LRMDA: variants seen among roughly 807,000 people sequenced by gnomAD.
LRMDA encodes leucine-rich melanocyte differentiation-associated protein.
In LRMDA, 18 loss-of-function variants were observed where a neutral mutation model predicts 29.8. The ratio of observed to expected loss-of-function variants is 0.60; its 90% CI spans 0.42 to 0.90. LRMDA has a LOEUF of 0.90. LRMDA is among the 40% of genes least tolerant of loss of function. The probability of loss-of-function intolerance (pLI) is 0.00; values close to 1 mark genes in which losing one functional copy is unlikely to be tolerated. For missense variants in LRMDA, 273 were observed against 273.9 expected (o/e 1.00, Z 0.02); for synonymous variants, 125 against 109.4 (o/e 1.14, Z -0.89).
Position 76,104,983 on chromosome 10 carries a change from G to A in LRMDA, c.516+46200G>A, listed in dbSNP as rs1191504845. ...CTAGCCATTCTCTCTGCCTGCAAGTGTCTTCTCTCAGATATCCACTTGGCT... is the reference window on the plus strand; with the variant it reads ...CTAGCCATTCTCTCTGCCTGCAAGTATCTTCTCTCAGATATCCACTTGGCT... On this transcript the variant is annotated intron_variant, in intron 5 of 6. Transcript: ENST00000611255. Among the ~76,000 whole-genome samples, 3 of 152,162 alleles carry A rather than the reference G, an allele frequency of 2.0e-5. No individual in the cohort carries two copies. The East Asian group carries it at 5.8e-4, about 29-fold the overall frequency.
At position 76,291,487 on chromosome 10, in the gene LRMDA, C is replaced by T. The variant is rs531939425; in HGVS notation, c.517-32914C>T. Among the ~76,000 whole-genome samples, 8 of 152,216 alleles carry T rather than the reference C, an allele frequency of 5.3e-5. No individual in the cohort carries two copies. In the East Asian group the frequency reaches 1.5e-3, roughly 29 times the overall value. ...GGCTGTCTGGAATGCTTTTCTTTCT[C>T]CTAGTTAGGCATTTAAATGCATTTC... is the stretch of plus-strand genomic sequence containing the variant. On this transcript the variant is annotated intron_variant, in intron 5 of 6. Coordinates refer to ENST00000611255, the MANE Select transcript of LRMDA (RefSeq NM_001305581.2).
intron 2 of LRMDA, among the ~76,000 whole-genome samples, chr10:75,602,584 CTATT>C (rs758738945): frequency 3.3e-5 from 5 of 152,126 alleles, no homozygotes; most frequent in Non-Finnish European, 7.4e-5. Flanking sequence ...TTGGAAAACT[CTATT>C]TATCTAGGTA....
intron 6 of LRMDA, among the ~76,000 whole-genome samples, chr10:76,480,219 T>C (rs1240333721): frequency 6.6e-6 from 1 of 151,932 alleles, no homozygotes; most frequent in Non-Finnish European, 1.5e-5. Flanking sequence ...TTCCCCCAGA[T>C]GTATTAGGCC....
Position 76,132,966 on chromosome 10 carries a change from C to CTTTTTTTTTT in LRMDA, c.516+74202_516+74211dup, listed in dbSNP as rs35997711. ...TACAGGCATCCACCACCACGCCCGG[C>CTTTTTTTTTT]TTTTTTTTTTTTTTTTTTTTTTTTT... On this transcript the variant is annotated intron_variant, in intron 5 of 6. Coordinates refer to ENST00000611255, the MANE Select transcript of LRMDA (RefSeq NM_001305581.2). Among the ~76,000 whole-genome samples, 146 of 57,380 alleles carry CTTTTTTTTTT rather than the reference C, an allele frequency of 2.5e-3. 2 individuals carry two copies. The highest frequency in any genetic ancestry group is 3.9e-3 in the Non-Finnish European group (125 of 31,952). 37.6% of individuals were successfully genotyped at this position (57,380 alleles called of 152,430 possible).
chr10:76,086,684 C>G (rs138184912), intron 5 of LRMDA, among the ~76,000 whole-genome samples: 1 of 151,918 alleles, frequency 6.6e-6, no homozygotes, highest in Admixed American at 6.6e-5. Flanking sequence ...TGGAGGGGCC[C>G]GAATGAAAAA....
At chr10:75,829,153 C>T (rs1379989284) in intron 2 of LRMDA, among the ~76,000 whole-genome samples, 1 of 152,204 alleles carries the variant, frequency 6.6e-6, no homozygotes, top group East Asian at 1.9e-4. Context: ...AGATGGTGTG[C>T]TGAGCCCTTC....
At chr10:75,891,998 G>A (rs145601165) in intron 2 of LRMDA, among the ~76,000 whole-genome samples, 218 of 152,266 alleles carry the variant, frequency 1.4e-3, no homozygotes, top group African/African-American at 4.9e-3. Context: ...TCAGTATGTA[G>A]GTGATATTTA....
At chr10:76,119,287 G>A (rs958126535) in intron 5 of LRMDA, among the ~76,000 whole-genome samples, 1 of 152,016 alleles carries the variant, frequency 6.6e-6, no homozygotes, top group African/African-American at 2.4e-5. Flanking sequence ...TGGAGCCAAG[G>A]CTCCTCACAC....
chr10:75,573,766 G>A (rs1013031484), intron 2 of LRMDA, among the ~76,000 whole-genome samples: 4 of 152,002 alleles, frequency 2.6e-5, no homozygotes, highest in Non-Finnish European at 5.9e-5. Context: ...GTTTCCTTGT[G>A]TGGTTTATAA....
At chr10:75,777,229 G>A (rs1182871179) in intron 2 of LRMDA, among the ~76,000 whole-genome samples, 4 of 152,220 alleles carry the variant, frequency 2.6e-5, no homozygotes, top group African/African-American at 7.2e-5. Context: ...CATTAAAGAT[G>A]TGAAGCTCAA....
intron 6 of LRMDA, among the ~76,000 whole-genome samples, chr10:76,544,597 A>G (rs764560356): frequency 2.0e-5 from 3 of 152,134 alleles, no homozygotes; most frequent in African/African-American, 4.8e-5. Context: ...GTAGAAAAAA[A>G]TGTACAGAGG....
At chr10:75,502,304 CA>C (rs1232198456) in intron 2 of LRMDA, among the ~76,000 whole-genome samples, 1 of 152,204 alleles carries the variant, frequency 6.6e-6, no homozygotes, top group African/African-American at 2.4e-5. Context: ...GTGGCTTCTG[CA>C]ACACTGACTG....
chr10:76,122,599 G>T (rs1054743352), intron 5 of LRMDA, among the ~76,000 whole-genome samples: 2 of 152,114 alleles, frequency 1.3e-5, no homozygotes, highest in African/African-American at 4.8e-5. Flanking sequence ...TATAATAAAT[G>T]CTATACAAAT....
At chr10:75,459,934 G>T (rs1291647621) in intron 2 of LRMDA, among the ~76,000 whole-genome samples, 8 of 152,144 alleles carry the variant, frequency 5.3e-5, no homozygotes, top group Admixed American at 3.3e-4. Context: ...CTCGTATTAG[G>T]CTCCACCTCC....
In LRMDA at chr10:76,506,690, T is replaced by C. The variant is rs142240647; in HGVS notation, c.602-50519T>C. 3.5e-3 allele frequency among the ~76,000 whole-genome samples: 530 copies of C among 152,124 alleles called. 5 individuals carry two copies. The highest frequency in any genetic ancestry group is 0.012 in the African/African-American group (485 of 41,524). On this transcript the variant is annotated intron_variant, in intron 6 of 6. Coordinates refer to ENST00000611255, the MANE Select transcript of LRMDA (RefSeq NM_001305581.2). ...CTTTTTAGCTCCATGGCATAAGTAT[T>C]TTTTAGTTCCCACATATGAATTATA...
intron 2 of LRMDA, among the ~76,000 whole-genome samples, chr10:75,553,691 A>C (rs977362408): frequency 1.3e-5 from 2 of 152,252 alleles, no homozygotes; most frequent in Non-Finnish European, 2.9e-5. Flanking sequence ...TTTTGCTTCT[A>C]TCTCTCCTTT....
chr10:76,530,440 C>A (rs1367190585), intron 6 of LRMDA, among the ~76,000 whole-genome samples: 2 of 152,028 alleles, frequency 1.3e-5, no homozygotes, highest in Admixed American at 6.6e-5. Flanking sequence ...ATTTTATAGG[C>A]AATCTGTAAA....
intron 2 of LRMDA, among the ~76,000 whole-genome samples, chr10:75,625,351 C>A (rs1841237403): frequency 6.6e-6 from 1 of 152,176 alleles, no homozygotes; most frequent in African/African-American, 2.4e-5. Flanking sequence ...GCTTAGGTGA[C>A]TTGTCCAACT....
intron 5 of LRMDA, among the ~76,000 whole-genome samples, chr10:76,308,675 G>A (rs186135295): frequency 1.3e-5 from 2 of 152,336 alleles, no homozygotes; most frequent in South Asian, 2.1e-4. Context: ...TGGGGATGGA[G>A]AAGCCATAGC....
Sources: gnomAD v4.1 joint callset for allele counts (sites outside exome capture counted in the v4.1 genomes callset) on GRCh38, gnomAD v4.1.1 for gene constraint, MANE v1.5 for transcripts, NCBI Gene and HGNC (gene_info 2026-07-23, HGNC 2026-07-21) for gene names.